Variants in TBC1D9B observed in about 807,000 individuals in gnomAD.
TBC1D9B encodes TBC1 domain family member 9B.
A neutral mutation model predicts 121.1 loss-of-function variants in TBC1D9B; 87 were observed. The observed-to-expected ratio is 0.72, with a 90% confidence interval of 0.60 to 0.86. The LOEUF is 0.86. TBC1D9B is among the 40% of genes least tolerant of loss of function. TBC1D9B has a pLI of 0.00. For synonymous variants in TBC1D9B, 668 were observed against 670.1 expected (o/e 1.00, Z 0.05); for missense variants, 1,540 against 1,628.6 (o/e 0.95, Z 0.94).
In TBC1D9B at chr5:179,874,822, C is replaced by T. The variant is rs1561636558; in HGVS notation, c.2186+80G>A. 6 of 1,551,290 alleles carry T rather than the reference C, an allele frequency of 3.9e-6. No homozygotes were observed. In the East Asian group the frequency reaches 1.4e-4, roughly 35 times the overall value. On this transcript the variant is annotated intron_variant, in intron 12 of 20. Transcript: ENST00000355235. The surrounding 1 kb of genome is among the most constrained non-coding windows in gnomAD (Gnocchi z 4.3). Reference sequence around the variant, plus strand: ...TGGCACTTGGTGGGCACAGTCACTTCAGGCTGACTGGACAGTGCCCGGGGC... The same window carrying T: ...TGGCACTTGGTGGGCACAGTCACTTTAGGCTGACTGGACAGTGCCCGGGGC...
intron 3 of TBC1D9B, among the ~76,000 whole-genome samples, chr5:179,898,534 G>A (rs542476395): frequency 3.3e-5 from 5 of 151,412 alleles, no homozygotes; most frequent in South Asian, 2.1e-4. Flanking sequence ...CTGCAACCTC[G>A]GCCTCCTGGG....
intron 6 of TBC1D9B, 139 bp from the exon 7 acceptor site, chr5:179,888,451 G>A (rs1760758698): frequency 1.1e-6 from 1 of 906,254 alleles, no homozygotes; most frequent in Non-Finnish European, 1.7e-6. Context: ...CTCACATTCT[G>A]ACTCTGCCAC....
In TBC1D9B at chr5:179,864,021, G is replaced by A. The variant is rs1759931815; in HGVS notation, c.3129C>T (p.Arg1043=). ...AIATVASLLL[R]IGEVGKKFSA... is the part of the protein sequence containing the mutation. The stretch of plus-strand genomic sequence containing the variant: ...AGAACTTCTTCCCCACCTCTCCGAT[G>A]CGGAGCAGGAGGCTGGCCACGGTGG... Residue 1043 remains arginine, a synonymous_variant, in exon 21 of 21, where the codon CGC becomes CGT. Transcript: ENST00000355235. 1.2e-6 allele frequency: 2 copies of A among 1,613,758 alleles called. No homozygotes were observed.
In TBC1D9B at chr5:179,904,765, C is replaced by T. The variant is rs370195814; in HGVS notation, c.166G>A (p.Val56Met). Residue 56 changes from valine (V) to methionine (M), a missense_variant, in exon 2 of 21, where the codon GTG becomes ATG. Coordinates refer to ENST00000355235, the MANE Select transcript of TBC1D9B (RefSeq NM_015043.4). This position sits in a 1 kb window ranked among gnomAD's most constrained non-coding sequence, Gnocchi z 4.2. ...TGGTGCAGGATGCGGTAAGGGGCCA[C>T]GCGGGCACTGGAGTCCAGCACCACG... ...LDVVLDSSAR[V>M]APYRILHQTQ... 20 of 1,578,302 alleles carry T rather than the reference C, an allele frequency of 1.3e-5. No homozygotes were observed. Among genetic ancestry groups the T allele is most frequent in the South Asian group, 8.1e-5 (7 of 86,042 alleles).
intron 16 of TBC1D9B, 38 bp from the exon 17 acceptor site, chr5:179,869,872 T>C (rs1391183559): frequency 2.0e-6 from 3 of 1,521,332 alleles, no homozygotes; most frequent in African/African-American, 2.8e-5. Flanking sequence ...TCTGGCAACA[T>C]GGCTGCAGAG....
At position 179,902,904 on chromosome 5, in the gene TBC1D9B, C is replaced by T. The variant is rs574379293; in HGVS notation, c.229+1798G>A. On this transcript the variant is annotated intron_variant, in intron 2 of 20. Transcript: ENST00000355235. This position sits in a 1 kb window ranked among gnomAD's most constrained non-coding sequence, Gnocchi z 4.9. The stretch of plus-strand genomic sequence containing the variant: ...GCCTTGGACAAACTCCCCTTCCTAA[C>T]TCTTACTGAGTTATTCAGTCCTGCA... 1.2e-4 allele frequency among the ~76,000 whole-genome samples: 17 copies of T among 144,720 alleles called. No homozygotes were observed. The highest frequency in any genetic ancestry group is 2.1e-4 in the Non-Finnish European group (14 of 68,030). The allele number at this position is 144,720 out of a possible 152,430, so 94.9% of individuals were successfully genotyped here. A position where few individuals can be genotyped will look rare whatever the true frequency, so the allele number is the denominator to read the frequency against.
chr5:179,873,964 G>C (rs1237621270), intron 12 of TBC1D9B, among the ~76,000 whole-genome samples: 2 of 152,218 alleles, frequency 1.3e-5, no homozygotes, highest in South Asian at 4.1e-4. Context: ...CATCAGTGTG[G>C]ACCAAAAGCT....
At chr5:179,888,478 C>T (rs941031357) in intron 6 of TBC1D9B, among the ~76,000 whole-genome samples, 166 bp from the exon 7 acceptor site, 4 of 152,150 alleles carry the variant, frequency 2.6e-5, no homozygotes, top group Non-Finnish European at 5.9e-5. Flanking sequence ...CACCTAACCC[C>T]GAGCAAGTTG....
intron 20 of TBC1D9B, among the ~76,000 whole-genome samples, chr5:179,864,358 G>A (rs2113596474): frequency 6.6e-6 from 1 of 152,280 alleles, no homozygotes; most frequent in East Asian, 1.9e-4. Context: ...TTGGCACTCA[G>A]AGCATGCTGG....
In TBC1D9B at chr5:179,894,374, G is replaced by C. The variant is rs779959491; in HGVS notation, c.577+12C>G. ...GGTGTGGGGGCTGGGGCACACTGAGGGGCGGGCTCACCTTCCTTCCCCAGC... is the reference window on the plus strand; with the variant it reads ...GGTGTGGGGGCTGGGGCACACTGAGCGGCGGGCTCACCTTCCTTCCCCAGC... On this transcript the variant is annotated intron_variant, in intron 4 of 20. Transcript: ENST00000355235. 1.4e-5 allele frequency: 23 copies of C among 1,604,312 alleles called. 1 individual carries two copies. The Admixed American group carries it at 1.7e-4, about 12-fold the overall frequency.
intron 7 of TBC1D9B, among the ~76,000 whole-genome samples, chr5:179,881,852 C>T (rs1043715162): frequency 9.9e-5 from 15 of 152,122 alleles, no homozygotes; most frequent in African/African-American, 3.6e-4. Context: ...ACTTTCCTCC[C>T]TCTCTGCCAA....
chr5:179,870,762 C>T (rs1656233622), intron 15 of TBC1D9B: 1 of 479,338 alleles, frequency 2.1e-6, no homozygotes, highest in Non-Finnish European at 3.7e-6. Context: ...CAGAGAAGGG[C>T]TGAGCCTTCC....
chr5:179,874,236 G>T lies in TBC1D9B; in HGVS notation c.2186+666C>A, dbSNP rs898487964. On this transcript the variant is annotated intron_variant, in intron 12 of 20. Coordinates refer to ENST00000355235, the MANE Select transcript of TBC1D9B (RefSeq NM_015043.4). The surrounding 1 kb of genome is among the most constrained non-coding windows in gnomAD (Gnocchi z 4.3). ...TTTGTACAGAGGACCCAGGGAAGGGGCAGGGCCAGGTCTGATCAGAGTCAT... is the reference window on the plus strand; with the variant it reads ...TTTGTACAGAGGACCCAGGGAAGGGTCAGGGCCAGGTCTGATCAGAGTCAT... 1.2e-4 allele frequency among the ~76,000 whole-genome samples: 19 copies of T among 152,134 alleles called. 1 individual carries two copies. The highest frequency in any genetic ancestry group is 4.6e-4 in the African/African-American group (19 of 41,436).
chr5:179,893,366 AG>A lies in TBC1D9B; in HGVS notation c.678del (p.Phe227SerfsTer51). The A allele has an allele frequency of 6.2e-7, 1 of 1,614,188 alleles. No individual in the cohort carries two copies. Among genetic ancestry groups the A allele is most frequent in the Non-Finnish European group, 8.5e-7 (1 of 1,180,034 alleles). The part of the protein sequence containing the change: ...SIRVDTRDQE[L>X]FFSMFLNIGE... ...CCGATGTTGAGGAACATGGAGAAGA[AG>A]AGCTCCTGGTCGCGGGTGTCCACAC... On this transcript the variant is annotated frameshift_variant, in exon 5 of 21. Transcript: ENST00000355235. LOFTEE classifies it high-confidence loss of function.
rs748221989 is a variant in TBC1D9B, at chr5:179,865,934, T to C, written c.2864-46A>G. 6.2e-7 allele frequency: 1 copy of C among 1,611,056 alleles called. No homozygotes were observed. Among genetic ancestry groups the C allele is most frequent in the Non-Finnish European group, 8.5e-7 (1 of 1,177,302 alleles). ...AAAGAACATGAATAACATTCTGCTG[T>C]TGGGACTGCAAGCTCCTGGGGTCCT... On this transcript the variant is annotated intron_variant, in intron 18 of 20. Transcript: ENST00000355235. The surrounding 1 kb of genome is among the most constrained non-coding windows in gnomAD (Gnocchi z 5.1).
intron 10 of TBC1D9B, among the ~76,000 whole-genome samples, chr5:179,876,243 G>C (rs1760357154): frequency 6.6e-6 from 1 of 152,170 alleles, no homozygotes. Context: ...AGGAGGGCTG[G>C]GCATCCGGTA....
In TBC1D9B at chr5:179,863,173, G is replaced by C. The variant is rs1759897272; in HGVS notation, c.*275C>G. The C allele has an allele frequency of 2.1e-6, 1 of 479,012 alleles. No individual in the cohort carries two copies. Among genetic ancestry groups the C allele is most frequent in the African/African-American group, 1.9e-5 (1 of 51,560 alleles). 29.7% of individuals were successfully genotyped at this position (479,012 alleles called of 1,614,324 possible). On this transcript the variant is annotated 3_prime_UTR_variant, in exon 21 of 21. Coordinates refer to ENST00000355235, the MANE Select transcript of TBC1D9B (RefSeq NM_015043.4). This position sits in a 1 kb window ranked among gnomAD's most constrained non-coding sequence, Gnocchi z 4.5. ...GAGCCTGTAATGCTAGGCAGGTGCAGCTGGTGCGAGGCGGGCTCCCACCAG... is the reference window on the plus strand; with the variant it reads ...GAGCCTGTAATGCTAGGCAGGTGCACCTGGTGCGAGGCGGGCTCCCACCAG...
In TBC1D9B at chr5:179,863,262, C is replaced by G. The variant is rs1163008266; in HGVS notation, c.*186G>C. On this transcript the variant is annotated 3_prime_UTR_variant, in exon 21 of 21. Coordinates refer to ENST00000355235, the MANE Select transcript of TBC1D9B (RefSeq NM_015043.4). The surrounding 1 kb of genome is among the most constrained non-coding windows in gnomAD (Gnocchi z 4.5). ...CAGAAGCAGCCGGCGCCAGGAGATG[C>G]AGGCCCAGGGAATCTGTCTAAGGCA... 2 of 661,058 alleles carry G rather than the reference C, an allele frequency of 3.0e-6. No individual in the cohort carries two copies. The highest frequency in any genetic ancestry group is 5.8e-5 in the East Asian group (2 of 34,640). The allele number at this position is 661,058 out of a possible 1,614,324, so 40.9% of individuals were successfully genotyped here.
chr5:179,887,174 C>T (rs182226322), intron 7 of TBC1D9B, among the ~76,000 whole-genome samples: 1 of 152,318 alleles, frequency 6.6e-6, no homozygotes, highest in Non-Finnish European at 1.5e-5. Context: ...ATTTCAGCTC[C>T]CAGACGAAAG....
Sources: gnomAD v4.1 joint callset for allele counts (sites outside exome capture counted in the v4.1 genomes callset) on GRCh38, gnomAD v4.1.1 for gene constraint, Gnocchi (gnomAD v3.1) non-coding constraint, MANE v1.5 for transcripts, NCBI Gene and HGNC (gene_info 2026-07-23, HGNC 2026-07-21) for gene names.